MTHFD1L: variants seen among roughly 807,000 people sequenced by gnomAD.
MTHFD1L encodes monofunctional C1-tetrahydrofolate synthase, mitochondrial.
A neutral mutation model predicts 119.5 loss-of-function variants in MTHFD1L; 81 were observed. The observed-to-expected ratio is 0.68, with a 90% CI of 0.57 to 0.82. The LOEUF (loss-of-function observed/expected upper bound fraction) is 0.82, where lower values mean the gene tolerates loss of function less well. Among genes scored for constraint, MTHFD1L ranks in the 40% least tolerant of loss-of-function variants. MTHFD1L has a pLI of 0.00. For synonymous variants in MTHFD1L, 430 were observed against 475.2 expected (o/e 0.90, Z 1.24); for missense variants, 1,125 against 1,253.4 (o/e 0.90, Z 1.55).
chr6:151,101,200 A>G (rs4869986), intron 27 of MTHFD1L, among the ~76,000 whole-genome samples: 5,118 of 152,188 alleles, frequency 0.034, 174 homozygotes, highest in Admixed American at 0.11. Flanking sequence ...AAATATTCTC[A>G]TTCCACAGGA....
intron 19 of MTHFD1L, among the ~76,000 whole-genome samples, chr6:150,969,373 A>G (rs1303336025): frequency 1.3e-5 from 2 of 152,156 alleles, no homozygotes; most frequent in African/African-American, 4.8e-5. Context: ...AATAAAAGTA[A>G]GGGCAATAAG....
intron 6 of MTHFD1L, among the ~76,000 whole-genome samples, chr6:150,887,173 T>G (rs1468600068): frequency 6.6e-6 from 1 of 152,140 alleles, no homozygotes; most frequent in African/African-American, 2.4e-5. Flanking sequence ...TATATATGCT[T>G]TTTGGACAGT....
In MTHFD1L at chr6:150,969,910, C is replaced by G. The variant is rs548656959; in HGVS notation, c.2014-2037C>G. The stretch of plus-strand genomic sequence containing the variant: ...ACTTTAAAAGATATGGACCTTTTTA[C>G]AAAATAAAACACTGCATTCACTTAA... On this transcript the variant is annotated intron_variant, in intron 19 of 27. Coordinates refer to ENST00000367321, the MANE Select transcript of MTHFD1L (RefSeq NM_015440.5). Among the ~76,000 whole-genome samples, 24 of 152,240 alleles carry G rather than the reference C, an allele frequency of 1.6e-4. No individual in the cohort carries two copies. The East Asian group carries it at 3.7e-3, about 23-fold the overall frequency.
rs961300669 is a variant in MTHFD1L, at chr6:150,865,923, G to A, written c.101G>A (p.Gly34Asp). The A allele has an allele frequency of 3.3e-6, 4 of 1,204,004 alleles. No individual in the cohort carries two copies. The highest frequency in any genetic ancestry group is 1.6e-5 in the African/African-American group (1 of 62,700). 74.6% of individuals were successfully genotyped at this position (1,204,004 alleles called of 1,614,324 possible). A position where few individuals can be genotyped will look rare whatever the true frequency, so the allele number is the denominator to read the frequency against. ...RLRVPCRASS[G>D]GGGGGGGGRE... Reference sequence around the variant, plus strand: ...CGTGTGCCCTGTCGCGCTAGCAGCGGCGGCGGCGGAGGCGGCGGCGGTGGC... The same window carrying A: ...CGTGTGCCCTGTCGCGCTAGCAGCGACGGCGGCGGAGGCGGCGGCGGTGGC... The change falls in exon 1 of 28, where the codon GGC (glycine) becomes GAC (aspartate). Residue 34 changes from glycine (G) to aspartate (D), a missense_variant. Gly to Asp is a moderately conservative substitution (Grantham distance 94, BLOSUM62 -1). Transcript: ENST00000367321.
intron 4 of MTHFD1L, among the ~76,000 whole-genome samples, chr6:150,878,921 A>G (rs531597234): frequency 2.0e-5 from 3 of 152,294 alleles, no homozygotes; most frequent in African/African-American, 4.8e-5. Flanking sequence ...GTTGTCACCA[A>G]GAAGAAAAAG....
At position 150,919,038 on chromosome 6, in the gene MTHFD1L, A is replaced by G. The variant is rs141495777; in HGVS notation, c.984+370A>G. ...GTTAGTCCATTCTTGCATTGCTATA[A>G]AGAAATACCAGCTACTCAGGAGGCT... On this transcript the variant is annotated intron_variant, in intron 9 of 27. Transcript: ENST00000367321. Among the ~76,000 whole-genome samples, 178 of 151,958 alleles carry G rather than the reference A, an allele frequency of 1.2e-3. 4 individuals are homozygous for G. Among genetic ancestry groups the G allele is most frequent in the Admixed American group, 9.3e-3 (142 of 15,252 alleles).
intron 27 of MTHFD1L, chr6:151,099,796 T>C: frequency 6.2e-7 from 1 of 1,607,018 alleles, no homozygotes; most frequent in Admixed American, 1.7e-5. Context: ...GCTGCTGATG[T>C]GCAACAATCG....
chr6:150,872,983 A>C (rs1779788311), intron 1 of MTHFD1L, among the ~76,000 whole-genome samples: 1 of 151,958 alleles, frequency 6.6e-6, no homozygotes, highest in South Asian at 2.1e-4. Flanking sequence ...CTATTTTAAA[A>C]GTCTAATTAC....
intron 13 of MTHFD1L, among the ~76,000 whole-genome samples, chr6:150,942,584 G>A (rs1293378697): frequency 6.6e-6 from 1 of 152,008 alleles, no homozygotes; most frequent in African/African-American, 2.4e-5. Context: ...TTAAAAAATG[G>A]GGGGATAATA....
At position 150,865,876 on chromosome 6, in the gene MTHFD1L, C is replaced by T; in HGVS notation, c.54C>T (p.Pro18=). 2 of 1,203,980 alleles carry T rather than the reference C, an allele frequency of 1.7e-6. No homozygotes were observed. Among genetic ancestry groups the T allele is most frequent in the Non-Finnish European group, 1.0e-6 (1 of 972,874 alleles). 74.6% of individuals were successfully genotyped at this position (1,203,980 alleles called of 1,614,324 possible). A position where few individuals can be genotyped will look rare whatever the true frequency, so the allele number is the denominator to read the frequency against. ...GCCAGCTCCGCCGCCCGCCCCAGCC[C>T]CCGGGCCCTCCGCGCCGCCTCCGTG... The part of the protein sequence containing the change: ...VLRQLRRPPQ[P]PGPPRRLRVP... Residue 18 remains proline, a synonymous_variant, in exon 1 of 28, where the codon CCC becomes CCT. Coordinates refer to ENST00000367321, the MANE Select transcript of MTHFD1L (RefSeq NM_015440.5).
At position 151,084,891 on chromosome 6, in the gene MTHFD1L, C is replaced by T. The variant is rs563531967; in HGVS notation, c.2848-7576C>T. Among the ~76,000 whole-genome samples the T allele has an allele frequency of 1.3e-4, 19 of 149,822 alleles. No individual in the cohort carries two copies. The South Asian group carries it at 3.4e-3, about 27-fold the overall frequency. On this transcript the variant is annotated intron_variant, in intron 26 of 27. Coordinates refer to ENST00000367321, the MANE Select transcript of MTHFD1L (RefSeq NM_015440.5). ...CTGAGGCAGGAGAATCGCTTGAACC[C>T]GGGAGGTGGAGCTTGCAGTGAGCCG...
intron 25 of MTHFD1L, among the ~76,000 whole-genome samples, chr6:151,036,177 G>T (rs987719139): frequency 6.6e-6 from 1 of 152,314 alleles, no homozygotes; most frequent in Non-Finnish European, 1.5e-5. Flanking sequence ...AGCACTTTGT[G>T]GGGTCAAGGC....
In MTHFD1L at chr6:150,962,819, A is replaced by G. The variant is rs1348744877; in HGVS notation, c.1945-2150A>G. ...AGGATAGTGTACAGAGAAGTAGGAA[A>G]ACTACTCCTCTTCTTCCACCTGCTC... is the stretch of plus-strand genomic sequence containing the variant. On this transcript the variant is annotated intron_variant, in intron 18 of 27. Coordinates refer to ENST00000367321, the MANE Select transcript of MTHFD1L (RefSeq NM_015440.5). Among the ~76,000 whole-genome samples the G allele has an allele frequency of 2.6e-5, 4 of 152,154 alleles. No individual in the cohort carries two copies. In the South Asian group the frequency reaches 8.3e-4, roughly 31 times the overall value.
intron 20 of MTHFD1L, among the ~76,000 whole-genome samples, chr6:150,981,614 GTC>G (rs1201482183): frequency 6.6e-6 from 1 of 152,198 alleles, no homozygotes; most frequent in African/African-American, 2.4e-5. Context: ...GGGTCACAGA[GTC>G]TCTGTCCCAA....
chr6:150,971,897 A>G, intron 19 of MTHFD1L, 50 bp from the exon 20 acceptor site: 3 of 1,536,514 alleles, frequency 2.0e-6, no homozygotes, highest in South Asian at 2.3e-5. Flanking sequence ...CTTGGTTTCC[A>G]TGCTTCTGTT....
At chr6:151,047,967 C>A (rs1489256599) in intron 26 of MTHFD1L, among the ~76,000 whole-genome samples, 2 of 152,238 alleles carry the variant, frequency 1.3e-5, no homozygotes, top group South Asian at 4.1e-4. Flanking sequence ...AGCACATCTT[C>A]ACATGGCGGC....
intron 26 of MTHFD1L, chr6:151,057,239 G>A: frequency 1.0e-6 from 1 of 984,874 alleles, no homozygotes; most frequent in Non-Finnish European, 1.2e-6. Context: ...TCATTCTAAG[G>A]CAAACCTGCT....
At chr6:151,008,196 A>G (rs1224478496) in intron 20 of MTHFD1L, among the ~76,000 whole-genome samples, 1 of 152,250 alleles carries the variant, frequency 6.6e-6, no homozygotes, top group Non-Finnish European at 1.5e-5. Flanking sequence ...TGCTACAGCA[A>G]CTTAACAAAA....
At chr6:150,866,175 G>T (rs1778262165) in intron 1 of MTHFD1L, 126 bp downstream of exon 1, 1 of 1,369,582 alleles carries the variant, frequency 7.3e-7, no homozygotes, top group African/African-American at 1.5e-5. Context: ...CAACTCATTA[G>T]GGGGGCCGGG....
Sources: allele counts gnomAD v4.1 joint callset (sites outside exome capture counted in the v4.1 genomes callset), GRCh38; gene constraint gnomAD v4.1.1; transcripts MANE v1.5; gene names NCBI Gene and HGNC (gene_info 2026-07-23, HGNC 2026-07-21).